The following DHX57 variants were observed in gnomAD, a reference collection of about 807,000 sequenced individuals.
The protein encoded by DHX57 is putative ATP-dependent RNA helicase DHX57.
Under a neutral mutation model 156.2 loss-of-function variants are expected in DHX57, and 105 were observed. That is an observed-to-expected ratio of 0.67 (90% CI 0.57 to 0.79). The LOEUF is 0.79. Ranked by LOEUF, DHX57 falls within the 30% of genes least tolerant of loss-of-function variation. The pLI, the probability that DHX57 is intolerant of heterozygous loss-of-function variation, is 0.00. For synonymous variants in DHX57, 704 were observed against 595.6 expected, an observed-to-expected ratio of 1.18 and a Z score of -2.65; for missense variants, 1,847 against 1,661.9, an observed-to-expected ratio of 1.11 and a Z score of -1.94.
chr2:38,811,141 T>A (rs2148540272), intron 21 of DHX57: 2 of 530,446 alleles, frequency 3.8e-6, no homozygotes, highest in Non-Finnish European at 3.5e-6. Flanking sequence ...CCATGTTCCA[T>A]GGGTGCTTCA....
At chr2:38,822,677 A>C (rs1670885371) in intron 17 of DHX57, among the ~76,000 whole-genome samples, 1 of 152,136 alleles carries the variant, frequency 6.6e-6, no homozygotes, top group African/African-American at 2.4e-5. Context: ...TTACAGGCAT[A>C]AGCCACCGCG....
chr2:38,870,777 G>T (rs896841906), intron 1 of DHX57, among the ~76,000 whole-genome samples: 2 of 152,180 alleles, frequency 1.3e-5, no homozygotes, highest in Non-Finnish European at 2.9e-5. Context: ...TGCTTCGGAG[G>T]CTGAGGCAGG....
At chr2:38,856,494 T>C (rs189725513) in intron 6 of DHX57, 33 bp from the exon 7 acceptor site, 1 of 1,557,026 alleles carries the variant, frequency 6.4e-7, no homozygotes, top group African/African-American at 1.4e-5. Context: ...ATCAGTTGGG[T>C]TACTTTTTCT....
chr2:38,822,860 T>G (rs1670894079), intron 17 of DHX57, 133 bp downstream of exon 17: 1 of 876,420 alleles, frequency 1.1e-6, no homozygotes, highest in Non-Finnish European at 1.7e-6. Context: ...CATGCAGATG[T>G]GCCCTAAAAA....
intron 11 of DHX57, among the ~76,000 whole-genome samples, chr2:38,845,499 A>G (rs1672228374): frequency 6.6e-6 from 1 of 152,128 alleles, no homozygotes; most frequent in South Asian, 2.1e-4. Flanking sequence ...AAGGAGAAAA[A>G]TTCTGACTTG....
chr2:38,834,502 G>C (rs1321762015), intron 13 of DHX57, among the ~76,000 whole-genome samples: 1 of 152,086 alleles, frequency 6.6e-6, no homozygotes, highest in African/African-American at 2.4e-5. Flanking sequence ...AATGTATTGT[G>C]ACACTAATCA....
At chr2:38,870,420 G>A (rs1294828399) in intron 1 of DHX57, among the ~76,000 whole-genome samples, 4 of 152,216 alleles carry the variant, frequency 2.6e-5, no homozygotes, top group African/African-American at 7.2e-5. Context: ...TAGACATGTT[G>A]CAATAAAAAT....
At chr2:38,863,250 A>G in intron 3 of DHX57, 111 bp downstream of exon 3, 1 of 1,146,212 alleles carries the variant, frequency 8.7e-7, no homozygotes. Context: ...CAACTAATTA[A>G]ATGGCCACAA....
chr2:38,825,893 G>C lies in DHX57; in HGVS notation c.2968C>G (p.Gln990Glu). Residue 990 changes from glutamine to glutamate, a missense_variant, in exon 16 of 24, where the codon CAG becomes GAG. By Grantham distance (29) the Gln-to-Glu change is conservative. Coordinates refer to ENST00000457308, the MANE Select transcript of DHX57 (RefSeq NM_198963.3). ...GGCACTCTTTGTATTTCTGGTAGCT[G>C]TTGTTTTAAAAGCTGGTGATTGTAG... Reference protein sequence around the residue: ...HHYNHQLLKQQLPEIQRVPLE... With the variant: ...HHYNHQLLKQELPEIQRVPLE... 2 of 1,614,172 alleles carry C rather than the reference G, an allele frequency of 1.2e-6. No homozygotes were observed. The highest frequency in any genetic ancestry group is 1.7e-6 in the Non-Finnish European group (2 of 1,180,008).
At chr2:38,811,545 T>C (rs555871945) in intron 21 of DHX57, 32 of 1,170,788 alleles carry the variant, frequency 2.7e-5, no homozygotes, top group African/African-American at 1.5e-4. Context: ...CTGGCCAACA[T>C]TGGCCAGGTA....
chr2:38,869,915 T>C (rs3099941), intron 1 of DHX57, among the ~76,000 whole-genome samples: 35,428 of 152,010 alleles, frequency 0.23, 4,849 homozygotes, highest in Admixed American at 0.3. Context: ...ATAAGTATGT[T>C]CACAGAAATA....
chr2:38,801,729 G>C (rs1669693718), intron 23 of DHX57, among the ~76,000 whole-genome samples: 3 of 152,074 alleles, frequency 2.0e-5, no homozygotes, highest in African/African-American at 7.2e-5. Flanking sequence ...TGAATAGCTG[G>C]GATTACAGAC....
At position 38,856,381 on chromosome 2, in the gene DHX57, T is replaced by A; in HGVS notation, c.1668A>T (p.Leu556Phe). The change falls in exon 7 of 24, where the codon TTA becomes TTT. Residue 556 changes from leucine to phenylalanine, a missense_variant. Physicochemically the swap from Leu to Phe is conservative, Grantham distance 22 (BLOSUM62 0). Coordinates refer to ENST00000457308, the MANE Select transcript of DHX57 (RefSeq NM_198963.3). ...AWEERETILN[L>F]LRKHQVVVIS... ...TGACAACCACCTGGTGCTTACGCAA[T>A]AAGTTAAGAATGGTTTCTCTTTCTT... 6.2e-7 allele frequency: 1 copy of A among 1,613,892 alleles called. No individual in the cohort carries two copies. Among genetic ancestry groups the A allele is most frequent in the Non-Finnish European group, 8.5e-7 (1 of 1,179,974 alleles).
intron 12 of DHX57, chr2:38,838,908 A>G: frequency 3.3e-6 from 1 of 306,608 alleles, no homozygotes; most frequent in South Asian, 2.5e-5. Context: ...AGGATGTACT[A>G]CAAGCCTCGG....
intron 20 of DHX57, 33 bp downstream of exon 20, chr2:38,815,488 A>G: frequency 6.2e-7 from 1 of 1,613,306 alleles, no homozygotes; most frequent in South Asian, 1.1e-5. Flanking sequence ...GTGCTAATTA[A>G]AGAGAAATGA....
intron 6 of DHX57, chr2:38,856,663 C>T (rs970695611): frequency 5.2e-5 from 27 of 522,200 alleles, no homozygotes; most frequent in Non-Finnish European, 7.6e-5. Flanking sequence ...GCCACTATAC[C>T]CGGCTTTTTG....
At chr2:38,822,465 G>A (rs1670873308) in intron 17 of DHX57, among the ~76,000 whole-genome samples, 1 of 148,676 alleles carries the variant, frequency 6.7e-6, no homozygotes, top group African/African-American at 2.5e-5. Flanking sequence ...GCGCGATCTC[G>A]GCTCAGCAAC....
Position 38,861,765 on chromosome 2 carries a change from C to T in DHX57, c.645G>A (p.Glu215=). The change falls in exon 5 of 24, where the codon GAG becomes GAA. Residue 215 remains glutamate (E), a synonymous_variant. Coordinates refer to ENST00000457308, the MANE Select transcript of DHX57 (RefSeq NM_198963.3). ...CTGAAAAACACTGGGTAAGGAGATGCTCTAGTGATGCTCCCACATCTCCAT... is the reference window on the plus strand; with the variant it reads ...CTGAAAAACACTGGGTAAGGAGATGTTCTAGTGATGCTCCCACATCTCCAT... ...MCDGDVGASL[E]HLLTQCFSET... 1.2e-6 allele frequency: 2 copies of T among 1,614,132 alleles called. No individual in the cohort carries two copies. Among genetic ancestry groups the T allele is most frequent in the Non-Finnish European group, 8.5e-7 (1 of 1,180,002 alleles).
rs1670908625 is a variant in DHX57, at chr2:38,823,073, G to C, written c.3211C>G (p.Leu1071Val). The C allele has an allele frequency of 1.2e-6, 2 of 1,614,026 alleles. No individual in the cohort carries two copies. The highest frequency in any genetic ancestry group is 1.1e-5 in the South Asian group (1 of 91,088). Residue 1071 changes from leucine (L) to valine (V), a missense_variant, in exon 17 of 24, where the codon CTA becomes GTA. Leu to Val is a conservative substitution (Grantham distance 32). Transcript: ENST00000457308. ...SLPVDVRIGK[L>V]MLFGSIFRCL... ...CGGAAGATAGACCCAAACAACATTA[G>C]TTTGCCAATTCTCACATCCACGGGC... is the stretch of plus-strand genomic sequence containing the variant.
Sources: allele counts gnomAD v4.1 joint callset (sites outside exome capture counted in the v4.1 genomes callset), GRCh38; gene constraint gnomAD v4.1.1; transcripts MANE v1.5; gene names NCBI Gene and HGNC (gene_info 2026-07-23, HGNC 2026-07-21).